ZNF816: variants seen among roughly 807,000 people sequenced by gnomAD.
ZNF816 encodes zinc finger protein 816A.
ZNF816 carries 11 observed loss-of-function variants against 8.3 expected under a neutral mutation model. That is an observed-to-expected ratio of 1.32 (90% CI 0.83 to 2.19). ZNF816 has a LOEUF of 2.19. Among genes scored for constraint, ZNF816 ranks in the 30% most tolerant of loss-of-function variants. The probability of loss-of-function intolerance (pLI) is 0.00; values close to 1 mark genes in which losing one functional copy is unlikely to be tolerated. For missense variants in ZNF816, 710 were observed against 779.3 expected (o/e 0.91, Z 1.06); for synonymous variants, 255 against 254.5 (o/e 1.00, Z -0.02).
intron 1 of ZNF816, among the ~76,000 whole-genome samples, chr19:52,958,223 C>T (rs546344373): frequency 1.3e-5 from 2 of 152,312 alleles, no homozygotes; most frequent in South Asian, 4.1e-4. Context: ...CAGGCCGGTA[C>T]AGGACTTGCA....
rs773514504 is a variant in ZNF816, at chr19:52,957,852, T to A, written c.-15-1748A>T. ...GTCTCTTCTACAGAGCACAGCTCTT[T>A]ACAGCTAAGGTTACCCAGAACGGGA... On this transcript the variant is annotated intron_variant, in intron 1 of 3. Coordinates refer to ENST00000444460, the MANE Select transcript of ZNF816 (RefSeq NM_001202457.3). This position sits in a 1 kb window ranked among gnomAD's most constrained non-coding sequence, Gnocchi z 4.6. Among the ~76,000 whole-genome samples the A allele has an allele frequency of 6.6e-6, 1 of 152,192 alleles. No homozygotes were observed. Among genetic ancestry groups the A allele is most frequent in the Non-Finnish European group, 1.5e-5 (1 of 68,042 alleles).
intron 1 of ZNF816, among the ~76,000 whole-genome samples, chr19:52,960,751 G>A (rs10408667): frequency 0.33 from 50,651 of 151,888 alleles, 9,656 homozygotes; most frequent in African/African-American, 0.51. Context: ...CACTCCCACC[G>A]CTGTGAAGGT....
chr19:52,954,178 A>G (rs2083489975), intron 2 of ZNF816, among the ~76,000 whole-genome samples: 1 of 152,236 alleles, frequency 6.6e-6, no homozygotes, highest in Admixed American at 6.5e-5. Flanking sequence ...ACCTAAAGTC[A>G]GGAGTTTGAC....
chr19:52,956,183 A>G (rs2083508878), intron 1 of ZNF816, 79 bp from the exon 2 acceptor site: 1 of 1,484,864 alleles, frequency 6.7e-7, no homozygotes, highest in Non-Finnish European at 9.1e-7. Context: ...CACACAGGGG[A>G]AACCTCACCC....
At chr19:52,961,192 C>A (rs1600728900) in intron 1 of ZNF816, among the ~76,000 whole-genome samples, 1 of 152,058 alleles carries the variant, frequency 6.6e-6, no homozygotes, top group South Asian at 2.1e-4. Context: ...TATAACCCAT[C>A]TAAGCCTCCT....
rs776297545 is a variant in ZNF816, at chr19:52,952,788, A to G, written c.153T>C (p.Ala51=). Residue 51 remains alanine (A), a synonymous_variant, in exon 3 of 4, where the codon GCT becomes GCC. Transcript: ENST00000444460. The stretch of plus-strand genomic sequence containing the variant: ...GGTTCCTGTAGTTCTCCAACATCAC[A>G]GCCCTGTATAAAGCCCTCTGTGCAG... ...LNPAQRALYR[A]VMLENYRNLE... 1.2e-6 allele frequency: 2 copies of G among 1,613,898 alleles called. No homozygotes were observed. Among genetic ancestry groups the G allele is most frequent in the African/African-American group, 2.7e-5 (2 of 74,872 alleles).
chr19:52,951,543 G>A lies in ZNF816; in HGVS notation c.232C>T (p.His78Tyr), dbSNP rs1181613769. ...TGGATCACTTCTCCTGTAATACTGT[G>A]CCTGGTTGATGAGAACTCCATCATG... ...KSMMEFSSTRHSITGEVIHTG... is the reference protein window; with the variant it reads ...KSMMEFSSTRYSITGEVIHTG... Residue 78 changes from histidine to tyrosine, a missense_variant, in exon 4 of 4, where the codon CAC becomes TAC. By Grantham distance (83) the His-to-Tyr change is moderately conservative. Coordinates refer to ENST00000444460, the MANE Select transcript of ZNF816 (RefSeq NM_001202457.3). The A allele has an allele frequency of 5.7e-6, 9 of 1,581,510 alleles. No homozygotes were observed. The highest frequency in any genetic ancestry group is 1.4e-5 in the African/African-American group (1 of 73,456).
rs1568436382 is a variant in ZNF816, at chr19:52,951,007, T to G, written c.768A>C (p.Glu256Asp). 1 of 1,614,110 alleles carries G rather than the reference T, an allele frequency of 6.2e-7. No homozygotes were observed. Among genetic ancestry groups the G allele is most frequent in the Non-Finnish European group, 8.5e-7 (1 of 1,180,024 alleles). The stretch of plus-strand genomic sequence containing the variant: ...TCTTGCCACATACATCACATTTATA[T>G]TCTCTCTCTCTTGAATGGGTTATGT... ...RHHITHSRER[E>D]YKCDVCGKIF... Residue 256 changes from glutamate (E) to aspartate (D), a missense_variant, in exon 4 of 4, where the codon GAA becomes GAC. Glu to Asp is a conservative substitution (Grantham distance 45). Coordinates refer to ENST00000444460, the MANE Select transcript of ZNF816 (RefSeq NM_001202457.3).
rs369049169 is a variant in ZNF816, at chr19:52,950,336, G to A, written c.1439C>T (p.Pro480Leu). ...CTTGCCACATTCATTACATGTGTAAGGTTTCTCTCCAGTGTGAAGTGTATG... is the reference window on the plus strand; with the variant it reads ...CTTGCCACATTCATTACATGTGTAAAGTTTCTCTCCAGTGTGAAGTGTATG... The part of the protein sequence containing the change: ...YHHTLHTGEK[P>L]YTCNECGKVF... Residue 480 changes from proline to leucine, a missense_variant, in exon 4 of 4, where the codon CCT (proline) becomes CTT (leucine). Pro to Leu is a moderately conservative substitution (Grantham distance 98). Coordinates refer to ENST00000444460, the MANE Select transcript of ZNF816 (RefSeq NM_001202457.3). The A allele has an allele frequency of 6.2e-7, 1 of 1,613,770 alleles. No homozygotes were observed. The highest frequency in any genetic ancestry group is 8.5e-7 in the Non-Finnish European group (1 of 1,179,976).
chr19:52,960,898 G>A (rs1256533794), intron 1 of ZNF816, among the ~76,000 whole-genome samples: 1 of 152,154 alleles, frequency 6.6e-6, no homozygotes, highest in African/African-American at 2.4e-5. Context: ...AGTCACACCC[G>A]GAAGCTGACT....
Position 52,950,331 on chromosome 19 carries a change from T to G in ZNF816, c.1444A>C (p.Thr482Pro). 2 of 1,614,024 alleles carry G rather than the reference T, an allele frequency of 1.2e-6. No homozygotes were observed. The highest frequency in any genetic ancestry group is 1.7e-6 in the Non-Finnish European group (2 of 1,179,954). The change falls in exon 4 of 4, where the codon ACA (threonine) becomes CCA (proline). Residue 482 changes from threonine to proline, a missense_variant. Transcript: ENST00000444460. ...HTLHTGEKPY[T>P]CNECGKVFSR... ...AAAACCTTGCCACATTCATTACATG[T>G]GTAAGGTTTCTCTCCAGTGTGAAGT... is the stretch of plus-strand genomic sequence containing the variant.
At chr19:52,952,161 G>T (rs1235057128) in intron 3 of ZNF816, among the ~76,000 whole-genome samples, 1 of 152,132 alleles carries the variant, frequency 6.6e-6, no homozygotes, top group East Asian at 1.9e-4. Flanking sequence ...TTGAGGCCAG[G>T]AGTTCAAGAC....
chr19:52,951,532 T>G lies in ZNF816; in HGVS notation c.243A>C (p.Thr81=), dbSNP rs139718404. Residue 81 remains threonine (T), a synonymous_variant, in exon 4 of 4, where the codon ACA becomes ACC. Transcript: ENST00000444460. ...ACGTCCCTGTGTGGATCACTTCTCC[T>G]GTAATACTGTGCCTGGTTGATGAGA... ...MEFSSTRHSI[T]GEVIHTGTLQ... The G allele has an allele frequency of 6.3e-7, 1 of 1,598,166 alleles. No homozygotes were observed. The highest frequency in any genetic ancestry group is 8.5e-7 in the Non-Finnish European group (1 of 1,172,678).
chr19:52,955,593 C>T (rs914243554), intron 2 of ZNF816, among the ~76,000 whole-genome samples: 4 of 152,196 alleles, frequency 2.6e-5, no homozygotes, highest in African/African-American at 9.7e-5. Context: ...CAAAATCAGA[C>T]ACAAAATATC....
rs771938427 is a variant in ZNF816 at position 52,952,878 on chromosome 19, C to A, written c.64-1G>T. On this transcript the variant is annotated splice_acceptor_variant, in intron 2 of 3. Coordinates refer to ENST00000444460, the MANE Select transcript of ZNF816 (RefSeq NM_001202457.3). LOFTEE classifies it high-confidence loss of function. The stretch of plus-strand genomic sequence containing the variant: ...CCACATCCCTGAAAGTCAAGCGTCC[C>A]TAAAATAAAAAACACGTTTCAACAA... 1.6e-5 allele frequency: 25 copies of A among 1,589,104 alleles called. No homozygotes were observed. In the Admixed American group the frequency reaches 4.4e-4, roughly 28 times the overall value.
intron 3 of ZNF816, chr19:52,951,837 G>A (rs2083463196): frequency 4.2e-6 from 2 of 470,806 alleles, no homozygotes; most frequent in Non-Finnish European, 3.7e-6. Context: ...GGCAGAGGTT[G>A]CAGCATGCGG....
At chr19:52,955,315 ACT>A (rs1288936416) in intron 2 of ZNF816, among the ~76,000 whole-genome samples, 3 of 152,182 alleles carry the variant, frequency 2.0e-5, no homozygotes, top group Non-Finnish European at 4.4e-5. Context: ...AATAAAGCTA[ACT>A]CTATTACTGG....
At position 52,951,418 on chromosome 19, in the gene ZNF816, T is replaced by C. The variant is rs753767268; in HGVS notation, c.357A>G (p.Glu119=). ...GTGCTTCATGGCCATTTCTTTCAAC[T>C]TCTTGCCACTGAAACTCAAAGTGAT... The part of the protein sequence containing the change: ...DIHHFEFQWQ[E]VERNGHEAPM... The change falls in exon 4 of 4, where the codon GAA becomes GAG. Residue 119 remains glutamate (E), a synonymous_variant. Coordinates refer to ENST00000444460, the MANE Select transcript of ZNF816 (RefSeq NM_001202457.3). 3.7e-6 allele frequency: 6 copies of C among 1,614,048 alleles called. No individual in the cohort carries two copies. The East Asian group carries it at 1.1e-4, about 30-fold the overall frequency.
chr19:52,956,113 TA>T lies in ZNF816; in HGVS notation c.-15-10del. On this transcript the variant is annotated splice_polypyrimidine_tract_variant and intron_variant, in intron 1 of 3. Coordinates refer to ENST00000444460, the MANE Select transcript of ZNF816 (RefSeq NM_001202457.3). ...ATGAGTCTTTGGAAATCCTGTATGTTAAAAAAGCAAGAGATTTAATATTTAG... is the reference window on the plus strand; with the variant it reads ...ATGAGTCTTTGGAAATCCTGTATGTTAAAAAGCAAGAGATTTAATATTTAG... 6.3e-7 allele frequency: 1 copy of T among 1,599,038 alleles called. No homozygotes were observed. The highest frequency in any genetic ancestry group is 8.5e-7 in the Non-Finnish European group (1 of 1,176,018).
Sources: gnomAD v4.1 joint callset for allele counts (sites outside exome capture counted in the v4.1 genomes callset) on GRCh38, gnomAD v4.1.1 for gene constraint, Gnocchi (gnomAD v3.1) non-coding constraint, MANE v1.5 for transcripts, NCBI Gene and HGNC (gene_info 2026-07-23, HGNC 2026-07-21) for gene names.